AKAP11: variants seen among roughly 807,000 people sequenced by gnomAD.
AKAP11 encodes A-kinase anchoring protein 11.
Under a neutral mutation model 146.1 loss-of-function variants are expected in AKAP11, and 36 were observed. The observed-to-expected ratio is 0.25, with a 90% CI of 0.19 to 0.33. The LOEUF (loss-of-function observed/expected upper bound fraction) is 0.33. AKAP11 is among the 10% of genes least tolerant of loss of function. The pLI is 1.00. For missense variants in AKAP11, 2,201 were observed against 2,197.0 expected (o/e 1.00, Z -0.04); for synonymous variants, 780 against 786.5 (o/e 0.99, Z 0.14).
intron 6 of AKAP11, 77 bp from the exon 7 acceptor site, chr13:42,298,456 C>G: frequency 1.4e-6 from 2 of 1,467,860 alleles, no homozygotes; most frequent in Admixed American, 4.2e-5. Context: ...CTGAGATTGT[C>G]TTATATCTAG....
In AKAP11 at chr13:42,300,891, G is replaced by GGCA. The variant is rs751274367; in HGVS notation, c.2150_2152dup (p.Ala717dup). 1 of 1,614,114 alleles carries GGCA rather than the reference G, an allele frequency of 6.2e-7. No homozygotes were observed. Among genetic ancestry groups the GGCA allele is most frequent in the East Asian group, 2.2e-5 (1 of 44,884 alleles). On this transcript the variant is annotated inframe_insertion, in exon 8 of 13. Transcript: ENST00000025301. ...AAGTTGATGTGACCTTTACAACAAAGGCAGCAGTTAGTGTCTCTACGGATA... is the reference window on the plus strand; with the variant it reads ...AAGTTGATGTGACCTTTACAACAAAGGCAGCAGCAGTTAGTGTCTCTACGGATA...
chr13:42,305,029 G>A (rs917408220), intron 8 of AKAP11, among the ~76,000 whole-genome samples: 2 of 152,098 alleles, frequency 1.3e-5, no homozygotes, highest in Non-Finnish European at 2.9e-5. Context: ...GGGATCACAG[G>A]CGTGAGCCAC....
At position 42,300,091 on chromosome 13, in the gene AKAP11, C is replaced by G. The variant is rs751632470; in HGVS notation, c.1345C>G (p.Pro449Ala). Residue 449 changes from proline (P) to alanine (A), a missense_variant, in exon 8 of 13, where the codon CCT becomes GCT. By Grantham distance (27) the Pro-to-Ala change is conservative. This residue lies in a region of AKAP11 where 1,867 missense variants were observed against 1,833.5 expected (regional missense o/e 1.02). Coordinates refer to ENST00000025301, the MANE Select transcript of AKAP11 (RefSeq NM_016248.4). ...ASREDSGLFS[P>A]IRSSAFSPLG... The stretch of plus-strand genomic sequence containing the variant: ...AAGGGAAGATAGTGGTTTATTTAGT[C>G]CTATTCGATCCTCTGCTTTTAGTCC... 2.5e-5 allele frequency: 41 copies of G among 1,613,878 alleles called. No individual in the cohort carries two copies. Among genetic ancestry groups the G allele is most frequent in the Non-Finnish European group, 3.4e-5 (40 of 1,179,830 alleles).
At chr13:42,314,119 T>G (rs768060512) in intron 11 of AKAP11, among the ~76,000 whole-genome samples, 179 bp downstream of exon 11, 1 of 152,184 alleles carries the variant, frequency 6.6e-6, no homozygotes, top group Non-Finnish European at 1.5e-5. Flanking sequence ...TAGTTTTATT[T>G]GATTGCTACA....
Position 42,300,988 on chromosome 13 carries a change from A to T in AKAP11, c.2242A>T (p.Asn748Tyr), listed in dbSNP as rs755043902. The change falls in exon 8 of 13, where the codon AAT (asparagine) becomes TAT (tyrosine). Residue 748 changes from asparagine (N) to tyrosine (Y), a missense_variant. Asn to Tyr is a moderately radical substitution (Grantham distance 143). Coordinates refer to ENST00000025301, the MANE Select transcript of AKAP11 (RefSeq NM_016248.4). ...QAVTFSPSFHNQAIMVTKPVQ... is the reference protein window; with the variant it reads ...QAVTFSPSFHYQAIMVTKPVQ... ...TGTCACGTTTTCCCCTTCTTTTCAC[A>T]ATCAAGCAATTATGGTGACAAAACC... 5 of 1,614,166 alleles carry T rather than the reference A, an allele frequency of 3.1e-6. No homozygotes were observed. Among genetic ancestry groups the T allele is most frequent in the Admixed American group, 3.3e-5 (2 of 60,028 alleles).
intron 1 of AKAP11, among the ~76,000 whole-genome samples, chr13:42,284,076 G>A (rs1959117728): frequency 6.6e-6 from 1 of 152,118 alleles, no homozygotes; most frequent in Non-Finnish European, 1.5e-5. Context: ...TACTCTGTGG[G>A]CCTGGGCAAA....
intron 8 of AKAP11, among the ~76,000 whole-genome samples, chr13:42,307,035 C>A (rs1004351210): frequency 6.6e-6 from 1 of 152,050 alleles, no homozygotes; most frequent in Non-Finnish European, 1.5e-5. Flanking sequence ...GCTATCATTC[C>A]GAGCCAAAAT....
intron 12 of AKAP11, among the ~76,000 whole-genome samples, chr13:42,318,044 T>C (rs1216799490): frequency 6.6e-6 from 1 of 152,192 alleles, no homozygotes; most frequent in Non-Finnish European, 1.5e-5. Context: ...TATGAAAAAA[T>C]TGAATTATTC....
Position 42,300,712 on chromosome 13 carries a change from T to G in AKAP11, c.1966T>G (p.Phe656Val), listed in dbSNP as rs560467393. The G allele has an allele frequency of 6.2e-7, 1 of 1,614,110 alleles. No individual in the cohort carries two copies. The highest frequency in any genetic ancestry group is 8.5e-7 in the Non-Finnish European group (1 of 1,179,948). The change falls in exon 8 of 13, where the codon TTT becomes GTT. Residue 656 changes from phenylalanine (F) to valine (V), a missense_variant. Physicochemically the swap from Phe to Val is conservative, Grantham distance 50. Coordinates refer to ENST00000025301, the MANE Select transcript of AKAP11 (RefSeq NM_016248.4). ...FAADLAEELV[F>V]EGIMEVCQFS... ...TGCAGATCTTGCTGAAGAGCTTGTT[T>G]TTGAAGGCATCATGGAGGTGTGTCA... is the stretch of plus-strand genomic sequence containing the variant.
At chr13:42,293,292 A>G (rs1004401235) in intron 4 of AKAP11, among the ~76,000 whole-genome samples, 2 of 152,202 alleles carry the variant, frequency 1.3e-5, no homozygotes, top group Non-Finnish European at 2.9e-5. Context: ...AAATGCATTT[A>G]AGACCTCATA....
rs755836980 is a variant in AKAP11 at position 42,302,478 on chromosome 13, T to C, written c.3732T>C (p.Thr1244=). 3 of 1,614,180 alleles carry C rather than the reference T, an allele frequency of 1.9e-6. No homozygotes were observed. The highest frequency in any genetic ancestry group is 2.5e-6 in the Non-Finnish European group (3 of 1,180,016). Residue 1244 remains threonine, a synonymous_variant, in exon 8 of 13, where the codon ACT becomes ACC. Transcript: ENST00000025301. ...AAAGTCAAAGAAGTGTGTCGCCTAC[T>C]TTTTTAAACCCCTCAGACGAAAATT... ...NVQSQRSVSP[T]FLNPSDENLK...
chr13:42,297,325 A>T, intron 6 of AKAP11, 143 bp downstream of exon 6: 1 of 588,666 alleles, frequency 1.7e-6, no homozygotes, highest in Non-Finnish European at 2.6e-6. Flanking sequence ...TAAGAAATAT[A>T]ACTCATGAAG....
At position 42,319,906 on chromosome 13, in the gene AKAP11, G is replaced by GGTGTGT. The variant is rs3038992; in HGVS notation, c.*717_*722dup. On this transcript the variant is annotated 3_prime_UTR_variant, in exon 13 of 13. Coordinates refer to ENST00000025301, the MANE Select transcript of AKAP11 (RefSeq NM_016248.4). ...TGCTGCCAGTCATTCTGGCATGAAA[G>GGTGTGT]GTGTGTGTGTGTGTGTGTGTGTGTG... 7,967 of 132,616 alleles carry GGTGTGT rather than the reference G, an allele frequency of 0.06. 317 individuals carry two copies. Among genetic ancestry groups the GGTGTGT allele is most frequent in the Middle Eastern group, 0.1 (26 of 258 alleles). The allele number at this position is 132,616 out of a possible 1,614,324, so 8.2% of individuals were successfully genotyped here. A position where few individuals can be genotyped will look rare whatever the true frequency, so the allele number is the denominator to read the frequency against.
intron 4 of AKAP11, among the ~76,000 whole-genome samples, 178 bp from the exon 5 acceptor site, chr13:42,295,517 C>G (rs1035486738): frequency 6.6e-6 from 1 of 152,056 alleles, no homozygotes; most frequent in Admixed American, 6.6e-5. Context: ...GGTTTAAGAA[C>G]TGCGTTTTGG....
rs1400791504 is a variant in AKAP11 at position 42,318,966 on chromosome 13, A to T, written c.5566-122A>T. The T allele has an allele frequency of 7.6e-6, 9 of 1,191,650 alleles. No individual in the cohort carries two copies. The East Asian group carries it at 1.8e-4, about 24-fold the overall frequency. The allele number at this position is 1,191,650 out of a possible 1,614,324, so 73.8% of individuals were successfully genotyped here. ...TAGAGGGGAAGACCTTGTTATAACT[A>T]GGAAACGGTATTTAATTGTAAACAG... On this transcript the variant is annotated intron_variant, in intron 12 of 12. Coordinates refer to ENST00000025301, the MANE Select transcript of AKAP11 (RefSeq NM_016248.4).
In AKAP11 at chr13:42,317,618, G is replaced by C; in HGVS notation, c.5495G>C (p.Trp1832Ser). ...CCCCAGCTAAGGATTATTCTTCAGT[G>C]GCTCATTGCCTCTGAGGCTGAAGTT... Reference protein sequence around the residue: ...VDPQLRIILQWLIASEAEVAE... With the variant: ...VDPQLRIILQSLIASEAEVAE... Residue 1832 changes from tryptophan (W) to serine (S), a missense_variant, in exon 12 of 13, where the codon TGG (tryptophan) becomes TCG (serine). By Grantham distance (177) the Trp-to-Ser change is radical. Around this residue, in one of 3 missense-constraint regions of AKAP11, gnomAD observed 1,867 missense variants for 1,833.5 expected, o/e 1.02. Transcript: ENST00000025301. 1 of 1,614,144 alleles carries C rather than the reference G, an allele frequency of 6.2e-7. No homozygotes were observed. Among genetic ancestry groups the C allele is most frequent in the Non-Finnish European group, 8.5e-7 (1 of 1,180,008 alleles).
chr13:42,317,741 C>T, intron 12 of AKAP11, 53 bp downstream of exon 12: 1 of 1,554,592 alleles, frequency 6.4e-7, no homozygotes, highest in Non-Finnish European at 8.7e-7. Context: ...ATATGATGTT[C>T]TTGTCATGTG....
chr13:42,318,803 A>G (rs1331078571), intron 12 of AKAP11, among the ~76,000 whole-genome samples: 1 of 152,188 alleles, frequency 6.6e-6, no homozygotes, highest in Non-Finnish European at 1.5e-5. Context: ...CAGCCTCTGC[A>G]TGTCCATGCA....
chr13:42,313,707 C>A (rs1284119326), intron 10 of AKAP11, among the ~76,000 whole-genome samples, 187 bp from the exon 11 acceptor site: 1 of 152,124 alleles, frequency 6.6e-6, no homozygotes, highest in Non-Finnish European at 1.5e-5. Context: ...GGATCATTTG[C>A]AATTCAGATT....
Sources: allele counts gnomAD v4.1 joint callset (sites outside exome capture counted in the v4.1 genomes callset), GRCh38; gene constraint gnomAD v4.1.1; regional missense constraint gnomAD v4.1.1; transcripts MANE v1.5; gene names NCBI Gene and HGNC (gene_info 2026-07-23, HGNC 2026-07-21).